ZBBX: variants seen among roughly 807,000 people sequenced by gnomAD.
ZBBX encodes the protein zinc finger B-box domain-containing protein 1.
Under a neutral mutation model 108.5 loss-of-function variants are expected in ZBBX, and 101 were observed. That is an observed-to-expected ratio of 0.93 (90% CI 0.79 to 1.10). The LOEUF is 1.10. Among genes scored for constraint, ZBBX ranks in the 50% least tolerant of loss-of-function variants. The pLI is 0.00. For missense variants in ZBBX, 1,009 were observed against 941.4 expected, an observed-to-expected ratio of 1.07 and a Z score of -0.94; for synonymous variants, 356 against 323.4, an observed-to-expected ratio of 1.10 and a Z score of -1.08.
chr3:167,336,905 T>C (rs766034536), intron 9 of ZBBX, among the ~76,000 whole-genome samples: 73 of 152,294 alleles, frequency 4.8e-4, no homozygotes, highest in South Asian at 3.5e-3. Flanking sequence ...TCATACCATA[T>C]AAAAAATTTA....
chr3:167,200,857 C>A, the ZBBX span, among the ~76,000 whole-genome samples: 1 of 152,030 alleles, frequency 6.6e-6, no homozygotes, highest in Non-Finnish European at 1.5e-5. Flanking sequence ...TAATTGACAT[C>A]CCACCCATTT....
chr3:167,250,832 A>G (rs143907659), intron 20 of ZBBX, among the ~76,000 whole-genome samples: 2,123 of 152,258 alleles, frequency 0.014, 27 homozygotes, highest in South Asian at 0.026. Flanking sequence ...CCTAGGTGAC[A>G]ACAGGCACTC....
At chr3:167,180,845 C>T in the ZBBX span, among the ~76,000 whole-genome samples, 1 of 152,168 alleles carries the variant, frequency 6.6e-6, no homozygotes, top group African/African-American at 2.4e-5. Flanking sequence ...GCAGGAGAAG[C>T]CAATCCTGGC....
At chr3:167,351,938 T>A (rs1321272596) in intron 8 of ZBBX, among the ~76,000 whole-genome samples, 1 of 152,156 alleles carries the variant, frequency 6.6e-6, no homozygotes, top group African/African-American at 2.4e-5. Context: ...CCCTTCCTGG[T>A]TGCTGGCCCA....
chr3:167,363,509 C>T (rs1744848419), intron 6 of ZBBX, among the ~76,000 whole-genome samples: 1 of 151,974 alleles, frequency 6.6e-6, no homozygotes, highest in Non-Finnish European at 1.5e-5. Flanking sequence ...TCTTGTCTCA[C>T]ACACACACAA....
At chr3:167,385,726 C>A (rs929092055) in intron 1 of ZBBX, among the ~76,000 whole-genome samples, 7 of 151,822 alleles carry the variant, frequency 4.6e-5, no homozygotes, top group Non-Finnish European at 1.0e-4. Context: ...ATGTATTACC[C>A]AAGCCCTACA....
chr3:167,251,457 C>T (rs1450869202), intron 20 of ZBBX, among the ~76,000 whole-genome samples: 2 of 152,194 alleles, frequency 1.3e-5, no homozygotes, highest in Non-Finnish European at 2.9e-5. Context: ...TGGAGCCCCA[C>T]AGTCAGCCTG....
intron 20 of ZBBX, among the ~76,000 whole-genome samples, chr3:167,268,282 A>T (rs532127387): frequency 6.6e-6 from 1 of 151,914 alleles, no homozygotes; most frequent in African/African-American, 2.4e-5. Flanking sequence ...GACCTCAGTT[A>T]CACACCTGGG....
At chr3:167,326,689 T>C (rs1264043219) in intron 11 of ZBBX, among the ~76,000 whole-genome samples, 1 of 151,916 alleles carries the variant, frequency 6.6e-6, no homozygotes, top group Admixed American at 6.6e-5. Context: ...AGAAATGAGG[T>C]GTATACTGAG....
At chr3:167,265,597 TC>T (rs1212619701) in intron 20 of ZBBX, among the ~76,000 whole-genome samples, 1 of 152,324 alleles carries the variant, frequency 6.6e-6, no homozygotes, top group East Asian at 1.9e-4. Flanking sequence ...GTGGTGTCTC[TC>T]TAGGTCATGT....
At chr3:167,217,509 C>T in the ZBBX span, among the ~76,000 whole-genome samples, 3 of 152,110 alleles carry the variant, frequency 2.0e-5, no homozygotes, top group East Asian at 5.8e-4. Context: ...CACTTATACA[C>T]AGTAGGAGTG....
the ZBBX span, among the ~76,000 whole-genome samples, chr3:167,210,165 G>A: frequency 5.9e-5 from 9 of 151,900 alleles, no homozygotes; most frequent in Non-Finnish European, 1.0e-4. Flanking sequence ...ACACAGAGAA[G>A]GAATTCAGAA....
rs900313015 is a variant in ZBBX, at chr3:167,322,152, G to A, written c.948C>T (p.Ser316=). 6 of 1,417,990 alleles carry A rather than the reference G, an allele frequency of 4.2e-6. No individual in the cohort carries two copies. The highest frequency in any genetic ancestry group is 3.4e-5 in the South Asian group (2 of 59,270). The allele number at this position is 1,417,990 out of a possible 1,614,324, so 87.8% of individuals were successfully genotyped here. ...TTTTAAGCCATAATTTTTCCATATA[G>A]GATAGAATGTCTTCTTTAAGTTCAA... ...LNIELKEDIL[S]YMEKLWLKKH... The change falls in exon 12 of 22, where the codon TCC becomes TCT. Residue 316 remains serine, a synonymous_variant. Transcript: ENST00000675490.
chr3:167,229,820 A>T, the ZBBX span, among the ~76,000 whole-genome samples: 1 of 151,870 alleles, frequency 6.6e-6, no homozygotes, highest in Non-Finnish European at 1.5e-5. Flanking sequence ...AGATGTATTT[A>T]AACAATGTTT....
rs539855394 is a variant in ZBBX, at chr3:167,360,190, A to T, written c.323-211T>A. 1.1e-4 allele frequency among the ~76,000 whole-genome samples: 16 copies of T among 148,684 alleles called. No homozygotes were observed. The South Asian group carries it at 3.4e-3, about 31-fold the overall frequency. ...TATATTTCTGAATTTTTTCTACCAA[A>T]CTATATTAATCATGCAACATTTGTG... On this transcript the variant is annotated intron_variant, in intron 7 of 21. Transcript: ENST00000675490.
At chr3:167,368,738 C>T in intron 4 of ZBBX, 164 bp from the exon 5 acceptor site, 1 of 1,273,388 alleles carries the variant, frequency 7.9e-7, no homozygotes, top group Non-Finnish European at 9.9e-7. Flanking sequence ...TAGCATTTGC[C>T]TTCCATCAAA....
At chr3:167,349,747 T>C (rs954922396) in intron 9 of ZBBX, among the ~76,000 whole-genome samples, 1 of 152,088 alleles carries the variant, frequency 6.6e-6, no homozygotes, top group African/African-American at 2.4e-5. Flanking sequence ...TTCTAGAAAG[T>C]ACTCAATAAA....
chr3:167,359,853 C>T lies in ZBBX; in HGVS notation c.432+17G>A. 1 of 1,257,764 alleles carries T rather than the reference C, an allele frequency of 8.0e-7. No homozygotes were observed. Among genetic ancestry groups the T allele is most frequent in the Non-Finnish European group, 1.1e-6 (1 of 900,786 alleles). 77.9% of individuals were successfully genotyped at this position (1,257,764 alleles called of 1,614,324 possible). ...CTACTATACAGTATATGTATATATA[C>T]TATATAACGTACATACCAGTAGAGC... On this transcript the variant is annotated intron_variant, in intron 8 of 21. Coordinates refer to ENST00000675490, the MANE Select transcript of ZBBX (RefSeq NM_001199201.2).
intron 20 of ZBBX, among the ~76,000 whole-genome samples, chr3:167,279,946 T>G (rs909212032): frequency 1.3e-5 from 2 of 151,832 alleles, no homozygotes; most frequent in African/African-American, 4.8e-5. Context: ...TAACGCCGCA[T>G]ATCTACAGCT....
Sources: allele counts gnomAD v4.1 joint callset (sites outside exome capture counted in the v4.1 genomes callset), GRCh38; gene constraint gnomAD v4.1.1; transcripts MANE v1.5; gene names NCBI Gene and HGNC (gene_info 2026-07-23, HGNC 2026-07-21).